Variants in CPS1 observed in about 807,000 individuals in gnomAD.
CPS1 encodes the protein carbamoyl-phosphate synthase 1.
CPS1 carries 109 observed loss-of-function variants against 174.6 expected under a neutral mutation model. The observed-to-expected ratio is 0.62, with a 90% CI of 0.53 to 0.73. The LOEUF (loss-of-function observed/expected upper bound fraction) is 0.73. CPS1 is among the 30% of genes least tolerant of loss of function. CPS1 has a pLI of 0.00. For synonymous variants in CPS1, 637 were observed against 632.0 expected, an observed-to-expected ratio of 1.01 and a Z score of -0.12; for missense variants, 1,689 against 1,821.9, an observed-to-expected ratio of 0.93 and a Z score of 1.33.
At chr2:210,614,200 C>T (rs2105862413) in intron 20 of CPS1, among the ~76,000 whole-genome samples, 1 of 151,934 alleles carries the variant, frequency 6.6e-6, no homozygotes, top group Middle Eastern at 3.4e-3. Flanking sequence ...AGTGATGTTA[C>T]ATAGCAAAGC....
chr2:210,561,038 T>C (rs1697080634), intron 1 of CPS1, among the ~76,000 whole-genome samples: 1 of 152,220 alleles, frequency 6.6e-6, no homozygotes, highest in Non-Finnish European at 1.5e-5. Context: ...ACTTCTCTAA[T>C]TGGGAGATGG....
At chr2:210,528,977 G>C (rs1233405508) in intron 1 of CPS1, among the ~76,000 whole-genome samples, 3 of 151,722 alleles carry the variant, frequency 2.0e-5, no homozygotes, top group Non-Finnish European at 4.4e-5. Context: ...TTTGGAATGT[G>C]GAGTGCTTTT....
chr2:210,541,819 A>G (rs1464144615), intron 1 of CPS1, among the ~76,000 whole-genome samples: 2 of 152,228 alleles, frequency 1.3e-5, no homozygotes, highest in East Asian at 3.9e-4. Flanking sequence ...AAGATAATTC[A>G]TGTTTTTTGG....
chr2:210,494,780 A>G (rs1000354908), intron 1 of CPS1, among the ~76,000 whole-genome samples: 2 of 152,154 alleles, frequency 1.3e-5, no homozygotes, highest in African/African-American at 4.8e-5. Context: ...TGCACTGCAT[A>G]CTGAGATTTG....
In CPS1 at chr2:210,612,149, T is replaced by C; in HGVS notation, c.2424T>C (p.Ser808=). The change falls in exon 20 of 38, where the codon AGT becomes AGC. Residue 808 remains serine, a synonymous_variant. Coordinates refer to ENST00000233072, the MANE Select transcript of CPS1 (RefSeq NM_001875.5). ...CTATTGGTCGTACCTTTGAGGAGAGTTTCCAGAAAGCTTTACGGATGTGCC... is the reference window on the plus strand; with the variant it reads ...CTATTGGTCGTACCTTTGAGGAGAGCTTCCAGAAAGCTTTACGGATGTGCC... ...VMAIGRTFEE[S]FQKALRMCHP... The C allele has an allele frequency of 6.2e-7, 1 of 1,611,862 alleles. No individual in the cohort carries two copies. Among genetic ancestry groups the C allele is most frequent in the Non-Finnish European group, 8.5e-7 (1 of 1,178,682 alleles).
chr2:210,512,430 C>A (rs112417548), intron 1 of CPS1, among the ~76,000 whole-genome samples: 2,410 of 151,930 alleles, frequency 0.016, 52 homozygotes, highest in African/African-American at 0.05. Flanking sequence ...TGTTTAGCTC[C>A]CACTTAAAAG....
At chr2:210,478,432 T>C (rs1486888705) in intron 1 of CPS1, among the ~76,000 whole-genome samples, 1 of 152,272 alleles carries the variant, frequency 6.6e-6, no homozygotes, top group Non-Finnish European at 1.5e-5. Context: ...TGTTCCTTTA[T>C]TTATTTTTCT....
intron 5 of CPS1, 68 bp downstream of exon 5, chr2:210,579,838 T>C (rs1697855196): frequency 8.0e-7 from 1 of 1,251,362 alleles, no homozygotes; most frequent in South Asian, 1.2e-5. Context: ...GTGTGTGGTG[T>C]TTCCCTCAGT....
intron 16 of CPS1, among the ~76,000 whole-genome samples, chr2:210,604,297 T>A (rs1033743152): frequency 6.6e-6 from 1 of 151,840 alleles, no homozygotes; most frequent in Non-Finnish European, 1.5e-5. Context: ...TTTGAAAAAA[T>A]TCAAACTGCT....
rs756591377 is a variant in CPS1, at chr2:210,600,535, C to A, written c.1550-20C>A. The A allele has an allele frequency of 1.9e-6, 3 of 1,610,506 alleles. No individual in the cohort carries two copies. The highest frequency in any genetic ancestry group is 2.5e-6 in the Non-Finnish European group (3 of 1,177,738). On this transcript the variant is annotated intron_variant, in intron 14 of 37. Coordinates refer to ENST00000233072, the MANE Select transcript of CPS1 (RefSeq NM_001875.5). ...AAAATTCAAGATTTTAAAAACTAATCCTATTTGGTTCTTCTTTAGGAGTGG... is the reference window on the plus strand; with the variant it reads ...AAAATTCAAGATTTTAAAAACTAATACTATTTGGTTCTTCTTTAGGAGTGG...
In CPS1 at chr2:210,677,812, T is replaced by G; in HGVS notation, c.4405-75T>G. On this transcript the variant is annotated intron_variant, in intron 37 of 37. Coordinates refer to ENST00000233072, the MANE Select transcript of CPS1 (RefSeq NM_001875.5). Reference sequence around the variant, plus strand: ...TTTGAAAACTGGGGACAGACACTTGTGACTTTTGTCTTCATTCATTAAAAA... The same window carrying G: ...TTTGAAAACTGGGGACAGACACTTGGGACTTTTGTCTTCATTCATTAAAAA... 5.9e-6 allele frequency: 7 copies of G among 1,182,600 alleles called. No homozygotes were observed. The South Asian group carries it at 8.5e-5, about 14-fold the overall frequency. 73.3% of individuals were successfully genotyped at this position (1,182,600 alleles called of 1,614,324 possible).
intron 15 of CPS1, among the ~76,000 whole-genome samples, chr2:210,601,437 G>A (rs1179998558): frequency 3.9e-5 from 6 of 151,980 alleles, no homozygotes; most frequent in Non-Finnish European, 7.4e-5. Flanking sequence ...AATGGGTTAT[G>A]TATGTTTCAG....
chr2:210,592,802 G>T (rs1004099243), intron 10 of CPS1, 77 bp from the exon 11 acceptor site: 6 of 1,385,204 alleles, frequency 4.3e-6, no homozygotes, highest in African/African-American at 2.9e-5. Context: ...GAGCTTTATT[G>T]TTCCCTGAAT....
intron 27 of CPS1, among the ~76,000 whole-genome samples, chr2:210,649,750 C>T (rs1700503447): frequency 6.6e-6 from 1 of 152,076 alleles, no homozygotes; most frequent in Non-Finnish European, 1.5e-5. Context: ...CCCTCCCAAC[C>T]CATTTTGCAA....
chr2:210,639,330 T>C, intron 23 of CPS1, 115 bp downstream of exon 23: 2 of 879,390 alleles, frequency 2.3e-6, no homozygotes, highest in African/African-American at 1.7e-5. Context: ...AAAGGCATCA[T>C]GGCCGGGCGC....
At chr2:210,484,290 A>G (rs1237420865) in intron 1 of CPS1, among the ~76,000 whole-genome samples, 1 of 152,134 alleles carries the variant, frequency 6.6e-6, no homozygotes, top group Non-Finnish European at 1.5e-5. Context: ...CTTTCACATA[A>G]ATGCCAGGAG....
chr2:210,553,673 C>G (rs527387649), upstream of CPS1, among the ~76,000 whole-genome samples: 3 of 151,866 alleles, frequency 2.0e-5, no homozygotes, highest in Admixed American at 1.3e-4. Flanking sequence ...TACATGTGGT[C>G]AGAGAAGAAA....
At chr2:210,558,842 G>T (rs183401982) in intron 1 of CPS1, among the ~76,000 whole-genome samples, 1 of 152,006 alleles carries the variant, frequency 6.6e-6, no homozygotes, top group Non-Finnish European at 1.5e-5. Flanking sequence ...TGTTTCAAGG[G>T]TCTGTCACAG....
chr2:210,536,536 C>T (rs1214883346), intron 1 of CPS1, among the ~76,000 whole-genome samples: 3 of 152,032 alleles, frequency 2.0e-5, no homozygotes, highest in Admixed American at 1.3e-4. Flanking sequence ...CCGTGTTAGC[C>T]AGGATGGCTA....
Sources: gnomAD v4.1 joint callset for allele counts (sites outside exome capture counted in the v4.1 genomes callset) on GRCh38, gnomAD v4.1.1 for gene constraint, MANE v1.5 for transcripts, NCBI Gene and HGNC (gene_info 2026-07-23, HGNC 2026-07-21) for gene names.